The following SPTBN1 variants were observed in gnomAD, a reference collection of about 807,000 sequenced individuals.
The protein encoded by SPTBN1 is spectrin beta, non-erythrocytic 1, also known as spectrin beta chain, non-erythrocytic 1.
A neutral mutation model predicts 266.4 loss-of-function variants in SPTBN1; 32 were observed. The ratio of observed to expected loss-of-function variants is 0.12; its 90% CI spans 0.09 to 0.16. The LOEUF is 0.16. SPTBN1 is among the 10% of genes least tolerant of loss of function. SPTBN1 has a pLI of 1.00. For synonymous variants in SPTBN1, 1,336 were observed against 1,162.2 expected, an observed-to-expected ratio of 1.15 and a Z score of -3.04; for missense variants, 2,296 against 3,067.1, an observed-to-expected ratio of 0.75 and a Z score of 5.94.
chr2:54,592,875 TAGC>T (rs1473209442), intron 2 of SPTBN1, among the ~76,000 whole-genome samples: 1 of 152,114 alleles, frequency 6.6e-6, no homozygotes, highest in East Asian at 1.9e-4. Context: ...TGGTGACACT[TAGC>T]AGCCCTTAAC....
rs1558444626 is a variant in SPTBN1 at position 54,628,983 on chromosome 2, G to A, written c.1849G>A (p.Glu617Lys). ...QVIRDRVAHMEFCYQELCQLA... is the reference protein window; with the variant it reads ...QVIRDRVAHMKFCYQELCQLA... The stretch of plus-strand genomic sequence containing the variant: ...GATCCGAGACCGCGTGGCCCACATG[G>A]AGTTCTGTTATCAAGAGCTTTGCCA... Residue 617 changes from glutamate (E) to lysine (K), a missense_variant, in exon 14 of 36, where the codon GAG becomes AAG. Coordinates refer to ENST00000356805, the MANE Select transcript of SPTBN1 (RefSeq NM_003128.3). This position sits in a 1 kb window ranked among gnomAD's most constrained non-coding sequence, Gnocchi z 4.3. 6.2e-7 allele frequency: 1 copy of A among 1,613,688 alleles called. No individual in the cohort carries two copies. The highest frequency in any genetic ancestry group is 8.5e-7 in the Non-Finnish European group (1 of 1,179,896).
At chr2:54,583,101 G>C (rs960229069) in intron 2 of SPTBN1, among the ~76,000 whole-genome samples, 1 of 152,004 alleles carries the variant, frequency 6.6e-6, no homozygotes, top group Non-Finnish European at 1.5e-5. Context: ...AAGCACTGGT[G>C]GATGAACCCC....
At chr2:54,521,644 G>C (rs1041722735) in intron 1 of SPTBN1, among the ~76,000 whole-genome samples, 1 of 152,060 alleles carries the variant, frequency 6.6e-6, no homozygotes, top group Non-Finnish European at 1.5e-5. Flanking sequence ...CTCCCAAGTA[G>C]CTGGGACTAC....
At chr2:54,637,978 A>G (rs1679265520) in intron 18 of SPTBN1, among the ~76,000 whole-genome samples, 175 bp downstream of exon 18, 1 of 152,228 alleles carries the variant, frequency 6.6e-6, no homozygotes, top group Non-Finnish European at 1.5e-5. Context: ...CCTACAAGGT[A>G]CAGCTTAATT....
chr2:54,597,565 G>T (rs1190012902), intron 2 of SPTBN1, among the ~76,000 whole-genome samples: 9 of 152,342 alleles, frequency 5.9e-5, no homozygotes, highest in East Asian at 1.9e-4. Flanking sequence ...GCTGACTGTA[G>T]CAGGTGGCCG....
intron 17 of SPTBN1, 108 bp from the exon 18 acceptor site, chr2:54,637,605 A>G: frequency 1.1e-6 from 1 of 880,328 alleles, no homozygotes; most frequent in Non-Finnish European, 1.7e-6. Flanking sequence ...CTGCAAGCAA[A>G]CTCTTTTTAG....
chr2:54,482,886 C>T (rs1345226108), intron 1 of SPTBN1, among the ~76,000 whole-genome samples: 1 of 152,188 alleles, frequency 6.6e-6, no homozygotes, highest in Non-Finnish European at 1.5e-5. Flanking sequence ...CTTTTTTAAG[C>T]AGCCTTTTTC....
At chr2:54,486,627 T>G (rs1034680011) in intron 1 of SPTBN1, among the ~76,000 whole-genome samples, 39 of 152,030 alleles carry the variant, frequency 2.6e-4, no homozygotes, top group Admixed American at 5.9e-4. Flanking sequence ...AGAGACCTTT[T>G]TTCACTTGTT....
rs367598465 is a variant in SPTBN1, at chr2:54,664,656, C to T, written c.6624C>T (p.His2208=). Reference sequence around the variant, plus strand: ...TGGAAGGCTTCCTCAATCGGAAACACGAGTGGGAGGCCCACAATAAGAAAG... The same window carrying T: ...TGGAAGGCTTCCTCAATCGGAAACATGAGTGGGAGGCCCACAATAAGAAAG... The part of the protein sequence containing the change: ...AQMEGFLNRK[H]EWEAHNKKAS... The change falls in exon 33 of 36, where the codon CAC becomes CAT. Residue 2208 remains histidine (H), a synonymous_variant. Transcript: ENST00000356805. The surrounding 1 kb of genome is among the most constrained non-coding windows in gnomAD (Gnocchi z 5.6). 4.3e-6 allele frequency: 7 copies of T among 1,614,028 alleles called. No homozygotes were observed. The highest frequency in any genetic ancestry group is 1.1e-5 in the South Asian group (1 of 91,096).
intron 9 of SPTBN1, 119 bp downstream of exon 9, chr2:54,622,606 G>A: frequency 8.8e-7 from 1 of 1,134,670 alleles, no homozygotes; most frequent in Non-Finnish European, 1.3e-6. Flanking sequence ...TCAGTAGTGT[G>A]TCCTACTCCT....
chr2:54,594,864 C>T (rs1273305266), intron 2 of SPTBN1, among the ~76,000 whole-genome samples: 4 of 90,930 alleles, frequency 4.4e-5, no homozygotes, highest in East Asian at 2.9e-4. Context: ...GACAGAGTTT[C>T]GCTCTTGTTG....
intron 2 of SPTBN1, among the ~76,000 whole-genome samples, chr2:54,583,434 A>G (rs1395603752): frequency 1.3e-5 from 2 of 152,232 alleles, no homozygotes; most frequent in East Asian, 3.9e-4. Context: ...CAAGGGTATG[A>G]AATGGGAGCT....
chr2:54,468,657 AAG>A (rs1434970088), intron 1 of SPTBN1, among the ~76,000 whole-genome samples: 18 of 152,246 alleles, frequency 1.2e-4, no homozygotes, highest in African/African-American at 3.9e-4. Flanking sequence ...GAAAGGAAGA[AAG>A]AATTCAAAAA....
At chr2:54,595,998 TTTTTGTACCTTTTTGTACC>T (rs1315005469) in intron 2 of SPTBN1, among the ~76,000 whole-genome samples, 1 of 84,546 alleles carries the variant, frequency 1.2e-5, no homozygotes, top group African/African-American at 1.1e-4. Flanking sequence ...AAGTGCTACC[TTTTTGTACCTTTTTGTACC>T]TTTTGTACCG....
At chr2:54,623,630 C>A in intron 10 of SPTBN1, 34 bp downstream of exon 10, 2 of 1,544,416 alleles carry the variant, frequency 1.3e-6, no homozygotes, top group Middle Eastern at 1.7e-4. Flanking sequence ...TGGGCCCTGA[C>A]CTCCTGGAGG....
Position 54,646,198 on chromosome 2 carries a change from T to C in SPTBN1, c.4589T>C (p.Leu1530Pro). ...TGTATTTTCCGCTCCCTCCAGACCC[T>C]CCAGAAAGAAATCCAGGGGCACCAG... Reference protein sequence around the residue: ...VQLLIKKNQTLQKEIQGHQPR... With the variant: ...VQLLIKKNQTPQKEIQGHQPR... Residue 1530 changes from leucine (L) to proline (P), a missense_variant, in exon 23 of 36, where the codon CTC becomes CCC. Leu to Pro is a moderately conservative substitution (Grantham distance 98). This residue lies in a region of SPTBN1 where 644 missense variants were observed against 745.3 expected (regional missense o/e 0.86). Coordinates refer to ENST00000356805, the MANE Select transcript of SPTBN1 (RefSeq NM_003128.3). The surrounding 1 kb of genome is among the most constrained non-coding windows in gnomAD (Gnocchi z 4.4). 6.2e-7 allele frequency: 1 copy of C among 1,609,608 alleles called. No individual in the cohort carries two copies. Among genetic ancestry groups the C allele is most frequent in the Non-Finnish European group, 8.5e-7 (1 of 1,177,368 alleles).
Position 54,629,566 on chromosome 2 carries a change from C to A in SPTBN1, c.2432C>A (p.Pro811His). The A allele has an allele frequency of 6.2e-7, 1 of 1,614,116 alleles. No homozygotes were observed. The highest frequency in any genetic ancestry group is 8.5e-7 in the Non-Finnish European group (1 of 1,180,028). The change falls in exon 14 of 36, where the codon CCC becomes CAC. Residue 811 changes from proline (P) to histidine (H), a missense_variant. By Grantham distance (77) the Pro-to-His change is moderately conservative. This residue lies in a region of SPTBN1 where 434 missense variants were observed against 573.9 expected (regional missense o/e 0.76). Transcript: ENST00000356805. ...CTGCACGAACAAGCCAGCGCCCTCC[C>A]CCAGGAGCATGCCGAGTCTCCAGAC... ...DTLHEQASAL[P>H]QEHAESPDVR...
intron 3 of SPTBN1, among the ~76,000 whole-genome samples, chr2:54,601,946 G>A (rs1676526734): frequency 6.6e-6 from 1 of 152,102 alleles, no homozygotes; most frequent in South Asian, 2.1e-4. Flanking sequence ...TAGGCATTTG[G>A]GAACTTGATT....
intron 1 of SPTBN1, among the ~76,000 whole-genome samples, chr2:54,507,018 G>T (rs1216318888): frequency 6.6e-6 from 1 of 151,728 alleles, no homozygotes; most frequent in Non-Finnish European, 1.5e-5. Context: ...TGGAATAGGC[G>T]GTGGAGTTAA....
Sources: gnomAD v4.1 joint callset for allele counts (sites outside exome capture counted in the v4.1 genomes callset) on GRCh38, gnomAD v4.1.1 for gene constraint, gnomAD v4.1.1 regional missense constraint, Gnocchi (gnomAD v3.1) non-coding constraint, MANE v1.5 for transcripts, NCBI Gene and HGNC (gene_info 2026-07-23, HGNC 2026-07-21) for gene names.